STPG2: variants seen among roughly 807,000 people sequenced by gnomAD.
STPG2 encodes sperm-tail PG-rich repeat-containing protein 2.
STPG2 carries 56 observed loss-of-function variants against 54.2 expected under a neutral mutation model. The ratio of observed to expected loss-of-function variants is 1.03; its 90% CI spans 0.83 to 1.29. STPG2 has a LOEUF of 1.29. Among genes scored for constraint, STPG2 ranks in the 50% most tolerant of loss-of-function variants. The pLI, the probability that STPG2 is intolerant of heterozygous loss-of-function variation, is 0.00. For missense variants in STPG2, 596 were observed against 544.9 expected (o/e 1.09, Z -0.93); for synonymous variants, 200 against 181.8 (o/e 1.10, Z -0.81).
chr4:97,839,852 A>G (rs1263644413), intron 9 of STPG2, among the ~76,000 whole-genome samples: 2 of 151,616 alleles, frequency 1.3e-5, no homozygotes, highest in African/African-American at 2.4e-5. Context: ...AAAACTTTGG[A>G]AAAAAGAGTT....
chr4:97,484,746 G>C (rs1730311348), intron 4 of STPG2, among the ~76,000 whole-genome samples: 1 of 151,526 alleles, frequency 6.6e-6, no homozygotes, highest in African/African-American at 2.4e-5. Flanking sequence ...ACCAGGAAAG[G>C]ATATAACAAA....
intron 9 of STPG2, among the ~76,000 whole-genome samples, chr4:97,736,069 G>T (rs968372129): frequency 6.6e-6 from 1 of 152,164 alleles, no homozygotes; most frequent in Admixed American, 6.5e-5. Flanking sequence ...GCAGAAAGGA[G>T]AACCCTTATA....
At chr4:98,050,143 A>C (rs1276976457) in intron 5 of STPG2, among the ~76,000 whole-genome samples, 1 of 152,198 alleles carries the variant, frequency 6.6e-6, no homozygotes, top group Non-Finnish European at 1.5e-5. Flanking sequence ...TTTATTAAAA[A>C]TATGAGGCAA....
intron 7 of STPG2, among the ~76,000 whole-genome samples, chr4:97,955,514 C>G (rs1288117075): frequency 6.6e-6 from 1 of 152,032 alleles, no homozygotes; most frequent in Non-Finnish European, 1.5e-5. Flanking sequence ...CGCACCCGGC[C>G]TAATACAGAA....
chr4:97,678,968 TG>T (rs546128106), intron 10 of STPG2, among the ~76,000 whole-genome samples: 9 of 152,206 alleles, frequency 5.9e-5, no homozygotes, highest in Non-Finnish European at 1.0e-4. Context: ...TCATTTTGTA[TG>T]GCTGCATTGT....
intron 10 of STPG2, among the ~76,000 whole-genome samples, chr4:97,594,695 C>A (rs1333894046): frequency 6.6e-6 from 1 of 152,136 alleles, no homozygotes; most frequent in Non-Finnish European, 1.5e-5. Flanking sequence ...CACACAGATT[C>A]TCCAAGAATG....
intron 10 of STPG2, among the ~76,000 whole-genome samples, chr4:97,692,376 A>G (rs554584810): frequency 6.6e-6 from 1 of 152,158 alleles, no homozygotes; most frequent in South Asian, 2.1e-4. Context: ...AATGAAGGAC[A>G]CACATAGAGA....
chr4:97,990,915 C>G (rs1011626895), intron 5 of STPG2, among the ~76,000 whole-genome samples: 1 of 152,048 alleles, frequency 6.6e-6, no homozygotes, highest in African/African-American at 2.4e-5. Flanking sequence ...ATTATTACTA[C>G]CATTTTTTTC....
chr4:97,932,880 C>G (rs949489454), intron 8 of STPG2, among the ~76,000 whole-genome samples: 1 of 152,046 alleles, frequency 6.6e-6, no homozygotes, highest in African/African-American at 2.4e-5. Context: ...GGATATATAT[C>G]CCAGTAATGG....
intron 9 of STPG2, among the ~76,000 whole-genome samples, chr4:97,717,417 T>C (rs1415598800): frequency 2.6e-5 from 4 of 152,166 alleles, no homozygotes; most frequent in Non-Finnish European, 4.4e-5. Flanking sequence ...ACTGAGAAAT[T>C]CATCTCCTGG....
At chr4:98,024,457 A>G (rs764050808) in intron 5 of STPG2, among the ~76,000 whole-genome samples, 2 of 152,170 alleles carry the variant, frequency 1.3e-5, no homozygotes, top group East Asian at 3.9e-4. Context: ...TTTCAAATCC[A>G]TATGTCCTAT....
intron 1 of STPG2, among the ~76,000 whole-genome samples, chr4:98,139,045 A>G (rs1740208133): frequency 6.6e-6 from 1 of 152,114 alleles, no homozygotes; most frequent in Admixed American, 6.6e-5. Flanking sequence ...CTTTAATAAG[A>G]GATGTTTGCT....
intron 10 of STPG2, among the ~76,000 whole-genome samples, chr4:97,703,004 G>T (rs1382142056): frequency 6.6e-6 from 1 of 152,060 alleles, no homozygotes; most frequent in Non-Finnish European, 1.5e-5. Flanking sequence ...AGAATCCGTA[G>T]ATTCATCATT....
intron 10 of STPG2, among the ~76,000 whole-genome samples, chr4:97,674,266 T>C (rs983617904): frequency 1.3e-5 from 2 of 152,126 alleles, no homozygotes; most frequent in African/African-American, 2.4e-5. Context: ...TTTTGAGTCA[T>C]TGATGATACT....
intron 10 of STPG2, among the ~76,000 whole-genome samples, chr4:97,625,244 T>C (rs1219023935): frequency 2.6e-5 from 4 of 152,214 alleles, no homozygotes; most frequent in Non-Finnish European, 5.9e-5. Context: ...CTGGCAGATA[T>C]ACTTGAATGA....
chr4:97,945,996 C>G (rs1220625141), intron 7 of STPG2, among the ~76,000 whole-genome samples: 3 of 152,024 alleles, frequency 2.0e-5, no homozygotes, highest in Non-Finnish European at 4.4e-5. Flanking sequence ...GAGATCAAGG[C>G]TGCAGTGAGC....
chr4:97,777,545 T>C (rs1726419018), intron 9 of STPG2, among the ~76,000 whole-genome samples: 1 of 152,202 alleles, frequency 6.6e-6, no homozygotes, highest in African/African-American at 2.4e-5. Flanking sequence ...CTATACCTGG[T>C]TCTATTAGCT....
At chr4:97,617,301 A>C (rs1034822070) in intron 10 of STPG2, among the ~76,000 whole-genome samples, 2 of 152,180 alleles carry the variant, frequency 1.3e-5, no homozygotes, top group African/African-American at 2.4e-5. Flanking sequence ...CCTAAAAAAA[A>C]GGTACATATT....
chr4:97,971,647 G>A (rs13141117), intron 7 of STPG2, among the ~76,000 whole-genome samples: 37,463 of 151,846 alleles, frequency 0.25, 5,350 homozygotes, highest in Middle Eastern at 0.36. Context: ...GTAGTCTGTC[G>A]TGGGGTGGCG....
Sources: gnomAD v4.1 joint callset for allele counts (sites outside exome capture counted in the v4.1 genomes callset) on GRCh38, gnomAD v4.1.1 for gene constraint, MANE v1.5 for transcripts, NCBI Gene and HGNC (gene_info 2026-07-23, HGNC 2026-07-21) for gene names.